The following LTBP1 variants were observed in gnomAD, a reference collection of about 807,000 sequenced individuals.
LTBP1 encodes latent-transforming growth factor beta-binding protein 1.
A neutral mutation model predicts 207.6 loss-of-function variants in LTBP1; 129 were observed. The observed-to-expected ratio is 0.62, with a 90% CI of 0.54 to 0.72. The LOEUF is 0.72. LTBP1 is among the 30% of genes least tolerant of loss of function. The probability of loss-of-function intolerance (pLI) is 0.00; values close to 1 mark genes in which losing one functional copy is unlikely to be tolerated. For missense variants in LTBP1, 2,281 were observed against 2,217.2 expected (o/e 1.03, Z -0.58); for synonymous variants, 963 against 833.7 (o/e 1.16, Z -2.67).
At chr2:33,211,515 A>G (rs571023223) in intron 7 of LTBP1, among the ~76,000 whole-genome samples, 307 of 152,230 alleles carry the variant, frequency 2.0e-3, no homozygotes, top group Non-Finnish European at 3.5e-3. Context: ...GAGAGGTTGG[A>G]TGATTTGCTG....
rs2093989923 is a variant in LTBP1, at chr2:33,301,595, T to C, written c.3432T>C (p.Cys1144=). 1.2e-6 allele frequency: 2 copies of C among 1,612,698 alleles called. No individual in the cohort carries two copies. Among genetic ancestry groups the C allele is most frequent in the African/African-American group, 2.7e-5 (2 of 74,880 alleles). The part of the protein sequence containing the change: ...QCRNTEGSFQ[C]VCDQGYRASG... ...GGAACACTGAGGGCTCTTTTCAATG[T>C]GTGTGTGACCAGGGTTACAGAGCAT... The change falls in exon 22 of 34, where the codon TGT becomes TGC. Residue 1144 remains cysteine, a synonymous_variant. Transcript: ENST00000404816.
intron 3 of LTBP1, among the ~76,000 whole-genome samples, chr2:33,054,366 T>C (rs2076886812): frequency 6.6e-6 from 1 of 152,144 alleles, no homozygotes; most frequent in African/African-American, 2.4e-5. Context: ...TAAGGAAAAA[T>C]GGTGGGATCT....
At chr2:33,287,671 T>C (rs921891169) in intron 19 of LTBP1, among the ~76,000 whole-genome samples, 3 of 152,354 alleles carry the variant, frequency 2.0e-5, no homozygotes, top group South Asian at 4.1e-4. Flanking sequence ...CATCCTTGGC[T>C]CTTTATGTAG....
intron 5 of LTBP1, among the ~76,000 whole-genome samples, chr2:33,141,550 G>A (rs972681101): frequency 6.6e-6 from 1 of 152,182 alleles, no homozygotes; most frequent in African/African-American, 2.4e-5. Context: ...ATGTCAGGAA[G>A]TGATAGACAC....
intron 31 of LTBP1, among the ~76,000 whole-genome samples, chr2:33,373,128 G>A (rs540315097): frequency 6.6e-6 from 1 of 152,326 alleles, no homozygotes; most frequent in South Asian, 2.1e-4. Context: ...GGGACAACTA[G>A]TGTGTTGGGA....
chr2:33,386,966 G>A (rs2095271213), intron 31 of LTBP1, among the ~76,000 whole-genome samples: 1 of 151,990 alleles, frequency 6.6e-6, no homozygotes, highest in South Asian at 2.1e-4. Context: ...GAGTAGCTGG[G>A]ACTATAGGTA....
chr2:33,133,427 C>T (rs532591288), intron 4 of LTBP1, among the ~76,000 whole-genome samples: 4 of 152,312 alleles, frequency 2.6e-5, no homozygotes, highest in South Asian at 4.1e-4. Flanking sequence ...TAAAGCCTGA[C>T]AGATGACTGG....
At position 33,176,268 on chromosome 2, in the gene LTBP1, G is replaced by A. The variant is rs1053125752; in HGVS notation, c.1202-10588G>A. On this transcript the variant is annotated intron_variant, in intron 5 of 33. Transcript: ENST00000404816. Reference sequence around the variant, plus strand: ...CTGAGATGGAGTCTCGCTCTGTCGCGCAGGCTGGAGTGCAGTGGTGGGATC... The same window carrying A: ...CTGAGATGGAGTCTCGCTCTGTCGCACAGGCTGGAGTGCAGTGGTGGGATC... Among the ~76,000 whole-genome samples the A allele has an allele frequency of 3.9e-5, 6 of 151,958 alleles. No homozygotes were observed. In the South Asian group the frequency reaches 6.3e-4, roughly 16 times the overall value.
rs79399561 is a variant in LTBP1 at position 33,027,378 on chromosome 2, A to G, written c.863+6172A>G. Among the ~76,000 whole-genome samples, 259 of 152,106 alleles carry G rather than the reference A, an allele frequency of 1.7e-3. 2 individuals are homozygous for G. Among genetic ancestry groups the G allele is most frequent in the African/African-American group, 5.8e-3 (241 of 41,488 alleles). On this transcript the variant is annotated intron_variant, in intron 3 of 33. Transcript: ENST00000404816. ...TTTGTGGTGAGAATGTTGAAGGTCTACTCTCTTAGCAAATTACCAGTATAC... is the reference window on the plus strand; with the variant it reads ...TTTGTGGTGAGAATGTTGAAGGTCTGCTCTCTTAGCAAATTACCAGTATAC...
intron 4 of LTBP1, among the ~76,000 whole-genome samples, chr2:33,119,250 A>C (rs903246941): frequency 5.9e-5 from 9 of 152,146 alleles, no homozygotes; most frequent in Non-Finnish European, 1.3e-4. Context: ...AAAAGAAAAG[A>C]GATGGTGCCT....
At chr2:33,090,122 T>C (rs571225079) in intron 3 of LTBP1, among the ~76,000 whole-genome samples, 31 of 152,380 alleles carry the variant, frequency 2.0e-4, no homozygotes, top group Admixed American at 1.4e-3. Flanking sequence ...ATATTATTAA[T>C]TTCTGCAGCA....
intron 24 of LTBP1, among the ~76,000 whole-genome samples, chr2:33,338,799 G>A (rs112638098): frequency 5.3e-4 from 81 of 152,252 alleles, no homozygotes; most frequent in African/African-American, 1.8e-3. Flanking sequence ...ATTAAAGACC[G>A]TAGGTTTTCA....
At chr2:33,181,183 A>G (rs1202094246) in intron 5 of LTBP1, among the ~76,000 whole-genome samples, 1 of 152,214 alleles carries the variant, frequency 6.6e-6, no homozygotes, top group Non-Finnish European at 1.5e-5. Flanking sequence ...TTTGGGAACC[A>G]GCAGCCGAAG....
At chr2:33,384,954 A>G (rs371632033) in intron 31 of LTBP1, among the ~76,000 whole-genome samples, 2 of 152,146 alleles carry the variant, frequency 1.3e-5, no homozygotes, top group African/African-American at 4.8e-5. Flanking sequence ...TGATATTTCC[A>G]TTGCTTTCCT....
intron 2 of LTBP1, among the ~76,000 whole-genome samples, chr2:32,989,931 G>A (rs1684154160): frequency 6.6e-6 from 1 of 152,180 alleles, no homozygotes; most frequent in Admixed American, 6.5e-5. Flanking sequence ...CATTTACCTA[G>A]CACTAGGTAG....
At chr2:32,950,044 T>G (rs1254407776) in intron 2 of LTBP1, among the ~76,000 whole-genome samples, 1 of 152,224 alleles carries the variant, frequency 6.6e-6, no homozygotes, top group Non-Finnish European at 1.5e-5. Flanking sequence ...TTAGATTAAG[T>G]CATAATTTTT....
intron 4 of LTBP1, among the ~76,000 whole-genome samples, chr2:33,115,037 TACACAC>T (rs60544598): frequency 0.27 from 39,599 of 145,126 alleles, 5,551 homozygotes; most frequent in East Asian, 0.5. Flanking sequence ...AACAGATATA[TACACAC>T]ACACACACAC....
chr2:32,948,768 A>G, intron 1 of LTBP1, 107 bp from the exon 2 acceptor site: 1 of 1,035,092 alleles, frequency 9.7e-7, no homozygotes, highest in East Asian at 2.4e-5. Context: ...TCTCATCCAG[A>G]GGGTTGCAGA....
chr2:33,034,736 T>C (rs1437401064), intron 3 of LTBP1, among the ~76,000 whole-genome samples: 1 of 152,216 alleles, frequency 6.6e-6, no homozygotes, highest in Non-Finnish European at 1.5e-5. Flanking sequence ...TGTATAGGGT[T>C]TGAAATAGCA....
Sources: gnomAD v4.1 joint callset for allele counts (sites outside exome capture counted in the v4.1 genomes callset) on GRCh38, gnomAD v4.1.1 for gene constraint, MANE v1.5 for transcripts, NCBI Gene and HGNC (gene_info 2026-07-23, HGNC 2026-07-21) for gene names.